TRMT11: variants seen among roughly 807,000 people sequenced by gnomAD.
TRMT11 encodes the protein tRNA (guanine(10)-N(2))-methyltransferase TRMT11.
TRMT11 carries 53 observed loss-of-function variants against 62.8 expected under a neutral mutation model. The observed-to-expected ratio is 0.84, with a 90% CI of 0.68 to 1.06. TRMT11 has a LOEUF of 1.06. Among genes scored for constraint, TRMT11 ranks in the 50% least tolerant of loss-of-function variants. The pLI, the probability that TRMT11 is intolerant of heterozygous loss-of-function variation, is 0.00. For synonymous variants in TRMT11, 188 were observed against 190.3 expected, an observed-to-expected ratio of 0.99 and a Z score of 0.10; for missense variants, 556 against 553.4, an observed-to-expected ratio of 1.00 and a Z score of -0.05.
At chr6:126,026,949 C>T (rs1056878661) in intron 12 of TRMT11, among the ~76,000 whole-genome samples, 6 of 151,078 alleles carry the variant, frequency 4.0e-5, no homozygotes, top group African/African-American at 9.7e-5. Flanking sequence ...ACTACAGGCG[C>T]CTGCCACCCC....
intron 12 of TRMT11, among the ~76,000 whole-genome samples, chr6:126,031,599 A>T (rs973608884): frequency 6.6e-6 from 1 of 152,178 alleles, no homozygotes; most frequent in South Asian, 2.1e-4. Flanking sequence ...ATACAGAAGC[A>T]TGAGAGGCAT....
chr6:126,155,598 G>A (rs755449778), intron 21 of TRMT11, among the ~76,000 whole-genome samples: 2 of 152,132 alleles, frequency 1.3e-5, no homozygotes, highest in Non-Finnish European at 2.9e-5. Context: ...CAAGTTATTT[G>A]CTCCCAAGAT....
chr6:126,226,133 A>G, the TRMT11 span, among the ~76,000 whole-genome samples: 1 of 152,242 alleles, frequency 6.6e-6, no homozygotes, highest in African/African-American at 2.4e-5. Flanking sequence ...ACCCAAAACT[A>G]GCATTTATGT....
chr6:126,159,132 C>T (rs1251293523), intron 21 of TRMT11, among the ~76,000 whole-genome samples: 3 of 152,114 alleles, frequency 2.0e-5, no homozygotes, highest in African/African-American at 4.8e-5. Context: ...TTCTCAACCT[C>T]TCTTGCAATG....
chr6:126,076,082 G>A (rs1226316690), intron 17 of TRMT11, among the ~76,000 whole-genome samples: 1 of 150,576 alleles, frequency 6.6e-6, no homozygotes, highest in African/African-American at 2.4e-5. Context: ...TTTCTACTTA[G>A]TGTGCTATTA....
At chr6:126,100,958 C>T (rs1777392983) in intron 17 of TRMT11, among the ~76,000 whole-genome samples, 1 of 152,116 alleles carries the variant, frequency 6.6e-6, no homozygotes, top group African/African-American at 2.4e-5. Flanking sequence ...TAGATGCCTT[C>T]TATGCACGGT....
chr6:126,066,958 C>T (rs949457532), intron 17 of TRMT11, among the ~76,000 whole-genome samples: 7 of 151,606 alleles, frequency 4.6e-5, no homozygotes, highest in African/African-American at 1.7e-4. Flanking sequence ...GGCACAGTGG[C>T]TCACGCCTGT....
At chr6:126,146,774 TCCCAAAGTGTTGGGATTACAGG>T (rs2128218852) in intron 21 of TRMT11, among the ~76,000 whole-genome samples, 2 of 152,290 alleles carry the variant, frequency 1.3e-5, no homozygotes, top group African/African-American at 4.8e-5. Context: ...TGCCTCAGCC[TCCCAAAGTGTTGGGATTACAGG>T]CATGAGCCAC....
At chr6:126,027,607 C>T (rs182420926) in intron 12 of TRMT11, among the ~76,000 whole-genome samples, 63 of 152,158 alleles carry the variant, frequency 4.1e-4, no homozygotes, top group African/African-American at 1.4e-3. Context: ...GCTATTAATT[C>T]AGACTAAAGT....
At chr6:126,211,811 A>G in the TRMT11 span, among the ~76,000 whole-genome samples, 2 of 152,078 alleles carry the variant, frequency 1.3e-5, no homozygotes, top group African/African-American at 4.8e-5. Flanking sequence ...AGTTATTAAA[A>G]ATGTACAAAA....
At chr6:126,214,532 A>G in the TRMT11 span, among the ~76,000 whole-genome samples, 1 of 152,040 alleles carries the variant, frequency 6.6e-6, no homozygotes, top group African/African-American at 2.4e-5. Context: ...GTAGTTGCTC[A>G]TAGTAGCCTT....
intron 21 of TRMT11, among the ~76,000 whole-genome samples, chr6:126,139,815 C>G (rs1272563372): frequency 6.6e-6 from 1 of 152,066 alleles, no homozygotes; most frequent in Non-Finnish European, 1.5e-5. Flanking sequence ...TGAACTCTAA[C>G]AATTCACAAG....
the TRMT11 span, among the ~76,000 whole-genome samples, chr6:126,213,974 T>G: frequency 6.6e-6 from 1 of 152,190 alleles, no homozygotes; most frequent in Non-Finnish European, 1.5e-5. Flanking sequence ...TTTTATCAAA[T>G]GCTTCTCAGC....
intron 17 of TRMT11, among the ~76,000 whole-genome samples, chr6:126,100,647 T>A (rs1329336506): frequency 6.6e-6 from 1 of 152,204 alleles, no homozygotes; most frequent in Admixed American, 6.5e-5. Flanking sequence ...ACTTGTGCTA[T>A]ACAACAGCAG....
At chr6:126,080,114 T>TTG (rs529170459) in intron 17 of TRMT11, among the ~76,000 whole-genome samples, 15,526 of 151,506 alleles carry the variant, frequency 0.1, 1,404 homozygotes, top group African/African-American at 0.25. Context: ...TGTTGTTGTT[T>TTG]TTTTAGAGAC....
intron 7 of TRMT11, among the ~76,000 whole-genome samples, chr6:126,000,808 C>T (rs1430091531): frequency 6.6e-6 from 1 of 152,134 alleles, no homozygotes; most frequent in Non-Finnish European, 1.5e-5. Flanking sequence ...TCCATATCAC[C>T]TACCCTCAGC....
At chr6:126,242,812 A>T in the TRMT11 span, among the ~76,000 whole-genome samples, 1 of 152,220 alleles carries the variant, frequency 6.6e-6, no homozygotes, top group Admixed American at 6.5e-5. Flanking sequence ...TAAATGTTAG[A>T]CCTAAAAACA....
At chr6:126,044,884 T>G (rs1336432384) in intron 16 of TRMT11, among the ~76,000 whole-genome samples, 1 of 152,112 alleles carries the variant, frequency 6.6e-6, no homozygotes, top group East Asian at 1.9e-4. Flanking sequence ...AAGAACTGAT[T>G]GTTAAAATGC....
chr6:126,037,170 A>C (rs1271007204), intron 12 of TRMT11, among the ~76,000 whole-genome samples: 1 of 152,024 alleles, frequency 6.6e-6, no homozygotes. Flanking sequence ...CATTGTAATT[A>C]AGGGTGCAGT....
Sources: gnomAD v4.1 joint callset for allele counts (sites outside exome capture counted in the v4.1 genomes callset) on GRCh38, gnomAD v4.1.1 for gene constraint, MANE v1.5 for transcripts, NCBI Gene and HGNC (gene_info 2026-07-23, HGNC 2026-07-21) for gene names.